The following ABHD2 variants were observed in gnomAD, a reference collection of about 807,000 sequenced individuals.
The protein encoded by ABHD2 is monoacylglycerol lipase ABHD2.
Under a neutral mutation model 48.1 loss-of-function variants are expected in ABHD2, and 20 were observed. That is an observed-to-expected ratio of 0.42 (90% confidence interval 0.29 to 0.60). The LOEUF is 0.60. Among genes scored for constraint, ABHD2 ranks in the 20% least tolerant of loss-of-function variants. ABHD2 has a pLI of 0.24. For synonymous variants in ABHD2, 209 were observed against 214.2 expected (o/e 0.98, Z 0.21); for missense variants, 405 against 550.9 (o/e 0.74, Z 2.65).
the ABHD2 span, among the ~76,000 whole-genome samples, chr15:89,060,127 G>A: frequency 1.0e-5 from 1 of 99,002 alleles, no homozygotes; most frequent in East Asian, 3.1e-4. Flanking sequence ...TTTCGCTCTT[G>A]TTGCCCAGGC....
At position 89,116,331 on chromosome 15, in the gene ABHD2, A is replaced by C; in HGVS notation, c.4A>C (p.Asn2His). ...TGCCTCTGCTCCCCAGATCAAGATG[A>C]ATGCCATGCTGGAGACTCCCGAACT... M[N>H]AMLETPELPA... The change falls in exon 3 of 11, where the codon AAT (asparagine) becomes CAT (histidine). Residue 2 changes from asparagine (N) to histidine (H), a missense_variant. Coordinates refer to ENST00000352732, the MANE Select transcript of ABHD2 (RefSeq NM_152924.5). The surrounding 1 kb of genome is among the most constrained non-coding windows in gnomAD (Gnocchi z 4.6). The C allele has an allele frequency of 6.2e-7, 1 of 1,613,388 alleles. No individual in the cohort carries two copies. The highest frequency in any genetic ancestry group is 8.5e-7 in the Non-Finnish European group (1 of 1,179,534).
the ABHD2 span, among the ~76,000 whole-genome samples, chr15:89,081,484 C>T: frequency 2.0e-5 from 3 of 152,096 alleles, no homozygotes; most frequent in Admixed American, 6.6e-5. Context: ...TTAAATGCCA[C>T]GTCTGCATTG....
chr15:89,129,723 C>T (rs1321220421), intron 3 of ABHD2, among the ~76,000 whole-genome samples: 2 of 151,972 alleles, frequency 1.3e-5, no homozygotes, highest in South Asian at 2.1e-4. Context: ...CTTCACCTTG[C>T]CGAGCTTCTA....
In ABHD2 at chr15:89,177,784, T is replaced by G. The variant is rs147637590; in HGVS notation, c.722+1789T>G. 6.6e-6 allele frequency among the ~76,000 whole-genome samples: 1 copy of G among 152,202 alleles called. No homozygotes were observed. The highest frequency in any genetic ancestry group is 1.5e-5 in the Non-Finnish European group (1 of 68,014). On this transcript the variant is annotated intron_variant, in intron 6 of 10. Transcript: ENST00000352732. This position sits in a 1 kb window ranked among gnomAD's most constrained non-coding sequence, Gnocchi z 5.6. Reference sequence around the variant, plus strand: ...CCAAAGTCCTGTCGGGCCCAGTCACTGGGATAAGAAAGACATGAGCAAGGG... The same window carrying G: ...CCAAAGTCCTGTCGGGCCCAGTCACGGGGATAAGAAAGACATGAGCAAGGG...
At chr15:89,062,670 G>A in the ABHD2 span, among the ~76,000 whole-genome samples, 1 of 152,120 alleles carries the variant, frequency 6.6e-6, no homozygotes, top group Non-Finnish European at 1.5e-5. Flanking sequence ...TTACAGGCGT[G>A]AGCCACCGCA....
At chr15:89,118,404 C>G (rs561491261) in intron 3 of ABHD2, among the ~76,000 whole-genome samples, 293 of 152,210 alleles carry the variant, frequency 1.9e-3, no homozygotes, top group African/African-American at 6.9e-3. Flanking sequence ...GTCTTGAACT[C>G]CTGACCTCAG....
At chr15:89,059,737 C>T in the ABHD2 span, among the ~76,000 whole-genome samples, 370 of 152,238 alleles carry the variant, frequency 2.4e-3, 1 homozygote, top group African/African-American at 8.5e-3. Flanking sequence ...AGGCTGCCAT[C>T]GCAGAGGAAT....
Position 89,136,076 on chromosome 15 carries a change from G to A in ABHD2, c.195-15601G>A, listed in dbSNP as rs568074364. The A allele has an allele frequency of 1.7e-3, 334 of 197,908 alleles. 3 individuals are homozygous for A. Among genetic ancestry groups the A allele is most frequent in the Non-Finnish European group, 2.2e-3 (218 of 97,428 alleles). 12.3% of individuals were successfully genotyped at this position (197,908 alleles called of 1,614,324 possible). ...CGAGTAGCTGGGATTACAGACGCCC[G>A]CCACCATGCCTGGCAATTTTTTTTT... On this transcript the variant is annotated intron_variant, in intron 3 of 10. Coordinates refer to ENST00000352732, the MANE Select transcript of ABHD2 (RefSeq NM_152924.5).
the ABHD2 span, among the ~76,000 whole-genome samples, chr15:89,066,059 C>T: frequency 1.6e-4 from 24 of 152,228 alleles, 1 homozygote; most frequent in African/African-American, 5.3e-4. Flanking sequence ...GTGTGCATCA[C>T]TAAAATGTTT....
chr15:89,076,985 T>G, the ABHD2 span, among the ~76,000 whole-genome samples: 1 of 152,236 alleles, frequency 6.6e-6, no homozygotes, highest in Admixed American at 6.5e-5. Context: ...GGTTCTATTT[T>G]GCTTTCTTGT....
At chr15:89,130,674 T>C (rs758044917) in intron 3 of ABHD2, among the ~76,000 whole-genome samples, 15 of 152,324 alleles carry the variant, frequency 9.8e-5, no homozygotes, top group Non-Finnish European at 2.1e-4. Context: ...GCCCACAGAC[T>C]GCATGTGGCC....
chr15:89,127,113 T>C (rs531055910), intron 3 of ABHD2, among the ~76,000 whole-genome samples: 1 of 152,270 alleles, frequency 6.6e-6, no homozygotes, highest in East Asian at 1.9e-4. Flanking sequence ...GGCCGGGTAC[T>C]CCTCAGAGGC....
In ABHD2 at chr15:89,120,490, T is replaced by C. The variant is rs1191883113; in HGVS notation, c.194+3969T>C. Among the ~76,000 whole-genome samples, 1 of 152,196 alleles carries C rather than the reference T, an allele frequency of 6.6e-6. No homozygotes were observed. Among genetic ancestry groups the C allele is most frequent in the African/African-American group, 2.4e-5 (1 of 41,452 alleles). On this transcript the variant is annotated intron_variant, in intron 3 of 10. Transcript: ENST00000352732. The surrounding 1 kb of genome is among the most constrained non-coding windows in gnomAD (Gnocchi z 4.2). Reference sequence around the variant, plus strand: ...ATAAATGTTATAGCTCTTTCTTTTTTCTTTTTTGAGACAGAGTCTCACTCT... The same window carrying C: ...ATAAATGTTATAGCTCTTTCTTTTTCCTTTTTTGAGACAGAGTCTCACTCT...
the ABHD2 span, among the ~76,000 whole-genome samples, chr15:89,043,355 AT>A: frequency 2.7e-4 from 41 of 152,072 alleles, no homozygotes; most frequent in Non-Finnish European, 7.3e-5. Context: ...TAGCCCAGGA[AT>A]TCAAGGTTAG....
the ABHD2 span, among the ~76,000 whole-genome samples, chr15:89,068,754 C>CTTTTTTTT: frequency 0.015 from 1,064 of 71,364 alleles, 194 homozygotes; most frequent in East Asian, 0.034. Context: ...CAAGCTTCCT[C>CTTTTTTTT]TTTTTTTTTT....
intron 3 of ABHD2, among the ~76,000 whole-genome samples, chr15:89,142,373 A>C (rs1309162071): frequency 6.6e-6 from 1 of 152,242 alleles, no homozygotes; most frequent in Non-Finnish European, 1.5e-5. Flanking sequence ...CACTGAGATT[A>C]GTACCTCAAA....
In ABHD2 at chr15:89,145,521, G is replaced by A. The variant is rs12101811; in HGVS notation, c.195-6156G>A. On this transcript the variant is annotated intron_variant, in intron 3 of 10. Transcript: ENST00000352732. ...ATGGGAACATGATGGTTTAATGTGG[G>A]CCGTGGGGTATCAGGGCAGTAAAGA... Among the ~76,000 whole-genome samples, 1,195 of 152,280 alleles carry A rather than the reference G, an allele frequency of 7.8e-3. 8 individuals are homozygous for A. Among genetic ancestry groups the A allele is most frequent in the African/African-American group, 0.026 (1,085 of 41,550 alleles).
At position 89,166,154 on chromosome 15, in the gene ABHD2, T is replaced by A. The variant is rs986266329; in HGVS notation, c.539-9658T>A. The stretch of plus-strand genomic sequence containing the variant: ...ATAGGATTAAAAACAATATCTTCTA[T>A]GTCAAGTGAAAGGAATAAAAATAAC... On this transcript the variant is annotated intron_variant, in intron 5 of 10. Coordinates refer to ENST00000352732, the MANE Select transcript of ABHD2 (RefSeq NM_152924.5). The surrounding 1 kb of genome is among the most constrained non-coding windows in gnomAD (Gnocchi z 4.6). 6.6e-6 allele frequency among the ~76,000 whole-genome samples: 1 copy of A among 152,210 alleles called. No individual in the cohort carries two copies. The highest frequency in any genetic ancestry group is 1.5e-5 in the Non-Finnish European group (1 of 68,040).
At position 89,164,928 on chromosome 15, in the gene ABHD2, T is replaced by A. The variant is rs2050815477; in HGVS notation, c.538+9394T>A. Among the ~76,000 whole-genome samples, 1 of 152,258 alleles carries A rather than the reference T, an allele frequency of 6.6e-6. No homozygotes were observed. Among genetic ancestry groups the A allele is most frequent in the East Asian group, 1.9e-4 (1 of 5,204 alleles). ...TAGAGGAGAAAAGGTAAACATTTAC[T>A]TGAACTGTTAAATGACCTTACCTCT... is the stretch of plus-strand genomic sequence containing the variant. On this transcript the variant is annotated intron_variant, in intron 5 of 10. Coordinates refer to ENST00000352732, the MANE Select transcript of ABHD2 (RefSeq NM_152924.5). This position sits in a 1 kb window ranked among gnomAD's most constrained non-coding sequence, Gnocchi z 5.0.
Sources: allele counts gnomAD v4.1 joint callset (sites outside exome capture counted in the v4.1 genomes callset), GRCh38; gene constraint gnomAD v4.1.1; non-coding constraint Gnocchi (gnomAD v3.1); transcripts MANE v1.5; gene names NCBI Gene and HGNC (gene_info 2026-07-23, HGNC 2026-07-21).